NYNRIN: variants seen among roughly 807,000 people sequenced by gnomAD.
NYNRIN encodes NYN domain and retroviral integrase containing.
NYNRIN carries 86 observed loss-of-function variants against 146.6 expected under a neutral mutation model. The observed-to-expected ratio is 0.59, with a 90% CI of 0.49 to 0.70. The LOEUF is 0.70. Ranked by LOEUF, NYNRIN falls within the 30% of genes least tolerant of loss-of-function variation. NYNRIN has a pLI of 0.00. For missense variants in NYNRIN, 2,191 were observed against 2,377.7 expected, an observed-to-expected ratio of 0.92 and a Z score of 1.63; for synonymous variants, 1,027 against 1,001.3, an observed-to-expected ratio of 1.03 and a Z score of -0.48.
Position 24,399,369 on chromosome 14 carries a change from C to T in NYNRIN, c.123C>T (p.Ala41=), listed in dbSNP as rs749488431. 2.5e-6 allele frequency: 4 copies of T among 1,613,764 alleles called. No homozygotes were observed. In the Admixed American group the frequency reaches 6.7e-5, roughly 27 times the overall value. ...VQRIFRVKLN[A]FQSRPDTPYF... The stretch of plus-strand genomic sequence containing the variant: ...GCATCTTTAGGGTCAAGCTGAACGC[C>T]TTCCAGAGCCGCCCGGACACCCCCT... The change falls in exon 2 of 9, where the codon GCC becomes GCT. Residue 41 remains alanine, a synonymous_variant. Transcript: ENST00000382554.
rs755732801 is a variant in NYNRIN, at chr14:24,408,366, A to G, written c.696A>G (p.Pro232=). Residue 232 remains proline, a synonymous_variant, in exon 3 of 9, where the codon CCA becomes CCG. Transcript: ENST00000382554. ...CTCCCCAGCAGCAGAAGGAAGCCCC[A>G]GCCATGGTGTCCGTGGGAGAGAGTC... ...ICPPQQQKEA[P]AMVSVGESPG... 2.5e-6 allele frequency: 4 copies of G among 1,613,918 alleles called. No individual in the cohort carries two copies. The highest frequency in any genetic ancestry group is 1.3e-5 in the African/African-American group (1 of 75,068).
chr14:24,408,294 C>T lies in NYNRIN; in HGVS notation c.624C>T (p.Arg208=), dbSNP rs368756509. The T allele has an allele frequency of 9.3e-6, 15 of 1,612,768 alleles. No individual in the cohort carries two copies. The African/African-American group carries it at 2.0e-4, about 22-fold the overall frequency. ...AAGACATCATCGAGTGGCTCAGCCGCTTCGGCATCTCTGACTCCCACTCCG... is the reference window on the plus strand; with the variant it reads ...AAGACATCATCGAGTGGCTCAGCCGTTTCGGCATCTCTGACTCCCACTCCG... ...GKEDIIEWLS[R]FGISDSHSDP... is the part of the protein sequence containing the mutation. The change falls in exon 3 of 9, where the codon CGC becomes CGT. Residue 208 remains arginine (R), a synonymous_variant. Coordinates refer to ENST00000382554, the MANE Select transcript of NYNRIN (RefSeq NM_025081.3).
rs1319592259 is a variant in NYNRIN, at chr14:24,408,690, A to G, written c.896A>G (p.Gln299Arg). Residue 299 changes from glutamine to arginine, a missense_variant, in exon 4 of 9, where the codon CAA becomes CGA. Coordinates refer to ENST00000382554, the MANE Select transcript of NYNRIN (RefSeq NM_025081.3). ...SNNQDGMDSA[Q>R]EEGTVQATSS... ...AACCAAGATGGTATGGACAGTGCTC[A>G]AGAGGAAGGGACAGTGCAAGCCACC... is the stretch of plus-strand genomic sequence containing the variant. 1.9e-6 allele frequency: 3 copies of G among 1,612,882 alleles called. No individual in the cohort carries two copies. The highest frequency in any genetic ancestry group is 3.3e-5 in the Admixed American group (2 of 59,918).
chr14:24,400,622 T>C (rs1039479238), intron 2 of NYNRIN, among the ~76,000 whole-genome samples: 3 of 152,078 alleles, frequency 2.0e-5, no homozygotes, highest in Non-Finnish European at 2.9e-5. Context: ...AAGGGGTGTC[T>C]TCCCAAAGAA....
intron 2 of NYNRIN, among the ~76,000 whole-genome samples, chr14:24,400,980 G>A (rs1372396250): frequency 1.3e-5 from 2 of 152,016 alleles, no homozygotes; most frequent in Admixed American, 1.3e-4. Context: ...GTAGAGATGA[G>A]GTTTCACCAT....
rs1291888653 is a variant in NYNRIN at position 24,407,984 on chromosome 14, G to A, written c.314G>A (p.Ser105Asn). ...QGLFLDCLCW[S>N]TLAYLVPGPP... ...CTCTTCCTGGACTGCCTCTGCTGGAGCACCCTTGCCTACCTGGTGCCTGGC... is the reference window on the plus strand; with the variant it reads ...CTCTTCCTGGACTGCCTCTGCTGGAACACCCTTGCCTACCTGGTGCCTGGC... Residue 105 changes from serine to asparagine, a missense_variant, in exon 3 of 9, where the codon AGC becomes AAC. Physicochemically the swap from Ser to Asn is conservative, Grantham distance 46. Around this residue, in one of 3 missense-constraint regions of NYNRIN, gnomAD observed 895 missense variants for 941.2 expected, o/e 0.95. Transcript: ENST00000382554. 1 of 1,614,036 alleles carries A rather than the reference G, an allele frequency of 6.2e-7. No individual in the cohort carries two copies. Among genetic ancestry groups the A allele is most frequent in the Admixed American group, 1.7e-5 (1 of 60,034 alleles).
At chr14:24,399,209 C>G (rs751994830) in intron 1 of NYNRIN, 21 bp from the exon 2 acceptor site, 31 of 1,603,246 alleles carry the variant, frequency 1.9e-5, no homozygotes, top group Non-Finnish European at 1.6e-5. Flanking sequence ...CCGGGTGACA[C>G]TATCGTCTCC....
Position 24,411,148 on chromosome 14 carries a change from C to T in NYNRIN, c.2487C>T (p.His829=), listed in dbSNP as rs1490773659. 6.2e-7 allele frequency: 1 copy of T among 1,610,304 alleles called. No individual in the cohort carries two copies. The highest frequency in any genetic ancestry group is 2.2e-5 in the East Asian group (1 of 44,872). ...TGCAGTTTTTCTGGAACCGGGGACA[C>T]CGAGAGGTCACTGTGTTTGTACCCA... ...MAVQFFWNRG[H]REVTVFVPTW... The change falls in exon 5 of 9, where the codon CAC becomes CAT. Residue 829 remains histidine, a synonymous_variant. Transcript: ENST00000382554. This position sits in a 1 kb window ranked among gnomAD's most constrained non-coding sequence, Gnocchi z 4.3.
In NYNRIN at chr14:24,408,922, T is replaced by A. The variant is rs767961048; in HGVS notation, c.1128T>A (p.Ser376=). The change falls in exon 4 of 9, where the codon TCT becomes TCA. Residue 376 remains serine (S), a synonymous_variant. Transcript: ENST00000382554. ...ATFWRINELH[S]LHLAWLLSQA... ...TCTGGAGGATCAATGAGCTGCATTCTCTACATCTGGCCTGGCTCCTGTCCC... is the reference window on the plus strand; with the variant it reads ...TCTGGAGGATCAATGAGCTGCATTCACTACATCTGGCCTGGCTCCTGTCCC... The A allele has an allele frequency of 6.2e-7, 1 of 1,613,906 alleles. No homozygotes were observed. The highest frequency in any genetic ancestry group is 8.5e-7 in the Non-Finnish European group (1 of 1,179,898).
chr14:24,413,551 C>T, intron 8 of NYNRIN, 134 bp downstream of exon 8: 1 of 605,194 alleles, frequency 1.7e-6, no homozygotes, highest in South Asian at 2.5e-5. Context: ...ATACTTGTGC[C>T]ACATGTTTAT....
At position 24,411,018 on chromosome 14, in the gene NYNRIN, G is replaced by T; in HGVS notation, c.2415-58G>T. On this transcript the variant is annotated intron_variant, in intron 4 of 8. Coordinates refer to ENST00000382554, the MANE Select transcript of NYNRIN (RefSeq NM_025081.3). The surrounding 1 kb of genome is among the most constrained non-coding windows in gnomAD (Gnocchi z 4.3). ...GGCATTGCTTGCTTGCTGCCCCAGG[G>T]CTGGCTCTGAGGGAGGAGTGGTGAG... 1 of 1,606,440 alleles carries T rather than the reference G, an allele frequency of 6.2e-7. No individual in the cohort carries two copies. Among genetic ancestry groups the T allele is most frequent in the South Asian group, 1.1e-5 (1 of 90,552 alleles).
chr14:24,401,845 G>A (rs7160316), intron 2 of NYNRIN, among the ~76,000 whole-genome samples: 142,777 of 152,282 alleles, frequency 0.94, 67,656 homozygotes, highest in Non-Finnish European at 1. Flanking sequence ...AATGCTGTCT[G>A]AGGTCCAGCG....
rs1463581756 is a variant in NYNRIN, at chr14:24,413,091, A to C, written c.2737A>C (p.Lys913Gln). Reference protein sequence around the residue: ...LMNSSKKLMVKDRLLPFTFAG... With the variant: ...LMNSSKKLMVQDRLLPFTFAG... Reference sequence around the variant, plus strand: ...GAATAGTTCCAAGAAACTGATGGTCAAAGATCGGTAAGATGGTCCCCAGAG... The same window carrying C: ...GAATAGTTCCAAGAAACTGATGGTCCAAGATCGGTAAGATGGTCCCCAGAG... The change falls in exon 7 of 9, where the codon AAA becomes CAA. Residue 913 changes from lysine (K) to glutamine (Q), a missense_variant. Around this residue, in one of 3 missense-constraint regions of NYNRIN, gnomAD observed 1,291 missense variants for 1,417.0 expected, o/e 0.91. Coordinates refer to ENST00000382554, the MANE Select transcript of NYNRIN (RefSeq NM_025081.3). 1 of 1,583,458 alleles carries C rather than the reference A, an allele frequency of 6.3e-7. No homozygotes were observed. The highest frequency in any genetic ancestry group is 1.2e-5 in the South Asian group (1 of 86,510).
rs1411553125 is a variant in NYNRIN, at chr14:24,409,982, A to T, written c.2188A>T (p.Thr730Ser). The stretch of plus-strand genomic sequence containing the variant: ...AAGGCAGGGTCCCCAGTCCAGTGGC[A>T]CCTTGGCCCTCAGCAGTAAGCACCA... ...AGRQGPQSSG[T>S]LALSSKHQFQ... The change falls in exon 4 of 9, where the codon ACC (threonine) becomes TCC (serine). Residue 730 changes from threonine to serine, a missense_variant. By Grantham distance (58) the Thr-to-Ser change is moderately conservative (BLOSUM62 1). Transcript: ENST00000382554. 4 of 1,613,570 alleles carry T rather than the reference A, an allele frequency of 2.5e-6. No individual in the cohort carries two copies. Among genetic ancestry groups the T allele is most frequent in the Non-Finnish European group, 3.4e-6 (4 of 1,179,766 alleles).
chr14:24,415,187 G>A lies in NYNRIN; in HGVS notation c.3438G>A (p.Val1146=). The A allele has an allele frequency of 6.2e-7, 1 of 1,609,572 alleles. No homozygotes were observed. Among genetic ancestry groups the A allele is most frequent in the Non-Finnish European group, 8.5e-7 (1 of 1,179,756 alleles). The change falls in exon 9 of 9, where the codon GTG becomes GTA. Residue 1146 remains valine (V), a synonymous_variant. Coordinates refer to ENST00000382554, the MANE Select transcript of NYNRIN (RefSeq NM_025081.3). The stretch of plus-strand genomic sequence containing the variant: ...TCCTGGCCCTGAAGCGAGCCCTGGT[G>A]TCTGCCCTCTGCCTGATGGCCCCCA... The part of the protein sequence containing the change: ...EAFLALKRAL[V]SALCLMAPNS...
In NYNRIN at chr14:24,408,710, G is replaced by A. The variant is rs1194880007; in HGVS notation, c.916G>A (p.Ala306Thr). 4.3e-6 allele frequency: 7 copies of A among 1,613,672 alleles called. No individual in the cohort carries two copies. The highest frequency in any genetic ancestry group is 2.2e-5 in the East Asian group (1 of 44,894). ...TGCTCAAGAGGAAGGGACAGTGCAA[G>A]CCACCAGCAGCCAGGACTCCACGAA... ...DSAQEEGTVQ[A>T]TSSQDSTNHT... The change falls in exon 4 of 9, where the codon GCC (alanine) becomes ACC (threonine). Residue 306 changes from alanine (A) to threonine (T), a missense_variant. Physicochemically the swap from Ala to Thr is moderately conservative, Grantham distance 58. This residue lies in a region of NYNRIN where 895 missense variants were observed against 941.2 expected (regional missense o/e 0.95). Transcript: ENST00000382554.
chr14:24,414,672 A>G lies in NYNRIN; in HGVS notation c.2923A>G (p.Ser975Gly). Reference sequence around the variant, plus strand: ...CAGCTCAGCCAGTGTCACTGAGCTGAGTGATGACGCTGACTCTGGGCCCCT... The same window carrying G: ...CAGCTCAGCCAGTGTCACTGAGCTGGGTGATGACGCTGACTCTGGGCCCCT... Reference protein sequence around the residue: ...PPSSASVTELSDDADSGPLES... With the variant: ...PPSSASVTELGDDADSGPLES... The change falls in exon 9 of 9, where the codon AGT (serine) becomes GGT (glycine). Residue 975 changes from serine to glycine, a missense_variant. Physicochemically the swap from Ser to Gly is moderately conservative, Grantham distance 56. Coordinates refer to ENST00000382554, the MANE Select transcript of NYNRIN (RefSeq NM_025081.3). 1.2e-6 allele frequency: 2 copies of G among 1,613,696 alleles called. No homozygotes were observed. The highest frequency in any genetic ancestry group is 1.7e-6 in the Non-Finnish European group (2 of 1,179,766).
Position 24,411,807 on chromosome 14 carries a change from C to A in NYNRIN, c.2642+357C>A, listed in dbSNP as rs2042914598. On this transcript the variant is annotated intron_variant, in intron 6 of 8. Coordinates refer to ENST00000382554, the MANE Select transcript of NYNRIN (RefSeq NM_025081.3). The surrounding 1 kb of genome is among the most constrained non-coding windows in gnomAD (Gnocchi z 4.3). The stretch of plus-strand genomic sequence containing the variant: ...GCTCATGTCTCCAGACTGCTTTAGT[C>A]TTTTCCTCCCTCGGAGCCCCGGCAC... Among the ~76,000 whole-genome samples, 1 of 152,190 alleles carries A rather than the reference C, an allele frequency of 6.6e-6. No homozygotes were observed. The highest frequency in any genetic ancestry group is 2.4e-5 in the African/African-American group (1 of 41,432).
In NYNRIN at chr14:24,416,675, C is replaced by T. The variant is rs376368864; in HGVS notation, c.4926C>T (p.Asn1642=). The T allele has an allele frequency of 6.2e-7, 1 of 1,613,936 alleles. No individual in the cohort carries two copies. The highest frequency in any genetic ancestry group is 1.1e-5 in the South Asian group (1 of 91,082). The change falls in exon 9 of 9, where the codon AAC becomes AAT. Residue 1642 remains asparagine, a synonymous_variant. Transcript: ENST00000382554. ...HKHVLIVADP[N]TRWVEAFPLK... The stretch of plus-strand genomic sequence containing the variant: ...ATGTACTTATTGTGGCTGACCCAAA[C>T]ACCAGGTGGGTGGAGGCATTCCCCC...
Sources: allele counts gnomAD v4.1 joint callset (sites outside exome capture counted in the v4.1 genomes callset), GRCh38; gene constraint gnomAD v4.1.1; regional missense constraint gnomAD v4.1.1; non-coding constraint Gnocchi (gnomAD v3.1); transcripts MANE v1.5; gene names NCBI Gene and HGNC (gene_info 2026-07-23, HGNC 2026-07-21).